The following PKHD1L1 variants were observed in gnomAD, a reference collection of about 807,000 sequenced individuals.
PKHD1L1 encodes the protein fibrocystin-L.
A neutral mutation model predicts 462.9 loss-of-function variants in PKHD1L1; 434 were observed. The ratio of observed to expected loss-of-function variants is 0.94; its 90% confidence interval spans 0.87 to 1.02. The LOEUF is 1.02. Ranked by LOEUF, PKHD1L1 falls within the 50% of genes least tolerant of loss-of-function variation. PKHD1L1 has a pLI of 0.00. For synonymous variants in PKHD1L1, 1,781 were observed against 1,750.0 expected (o/e 1.02, Z -0.44); for missense variants, 5,202 against 5,096.1 (o/e 1.02, Z -0.63).
rs1435051423 is a variant in PKHD1L1 at position 109,420,617 on chromosome 8, A to G, written c.2624A>G (p.Asn875Ser). 6.2e-7 allele frequency: 1 copy of G among 1,610,020 alleles called. No individual in the cohort carries two copies. The highest frequency in any genetic ancestry group is 1.3e-5 in the African/African-American group (1 of 74,738). Residue 875 changes from asparagine (N) to serine (S), a missense_variant, in exon 23 of 78, where the codon AAC (asparagine) becomes AGC (serine). This residue lies in a region of PKHD1L1 where 4,497 missense variants were observed against 4,336.8 expected (regional missense o/e 1.04). Transcript: ENST00000378402. ...AAAACAAATGGGCCAACTATGACAA[A>G]CCAATATTCTGTTACCATGACTTCA... ...QTKTNGPTMT[N>S]QYSVTMTSYN...
Position 109,461,775 on chromosome 8 carries a change from A to T in PKHD1L1, c.7250A>T (p.Glu2417Val). ...TGCTTTAAAAACTGTTTTGAAGGAG[A>T]ATTTGCTACACAGACCTGTCTCCAA... ...PACPDGFDTG[E>V]FATQTCLQGK... The change falls in exon 48 of 78, where the codon GAA (glutamate) becomes GTA (valine). Residue 2417 changes from glutamate (E) to valine (V), a missense_variant. Glu to Val is a moderately radical substitution (Grantham distance 121). Transcript: ENST00000378402. 6.2e-7 allele frequency: 1 copy of T among 1,604,982 alleles called. No individual in the cohort carries two copies. Among genetic ancestry groups the T allele is most frequent in the Non-Finnish European group, 8.5e-7 (1 of 1,176,322 alleles).
chr8:109,476,869 G>A (rs1169555430), intron 52 of PKHD1L1, among the ~76,000 whole-genome samples: 11 of 152,164 alleles, frequency 7.2e-5, no homozygotes, highest in Admixed American at 7.2e-4. Context: ...TATGTTGAAG[G>A]TGACACCAGC....
chr8:109,486,617 T>G (rs1818540274), intron 58 of PKHD1L1, 31 bp from the exon 59 acceptor site: 2 of 1,595,800 alleles, frequency 1.3e-6, no homozygotes, highest in Non-Finnish European at 8.5e-7. Flanking sequence ...TTCTCAGCAT[T>G]GGCAATAATC....
At chr8:109,379,216 A>G (rs1021431996) in intron 2 of PKHD1L1, among the ~76,000 whole-genome samples, 1 of 152,168 alleles carries the variant, frequency 6.6e-6, no homozygotes, top group African/African-American at 2.4e-5. Context: ...TGATTACAGC[A>G]CTTTCCTTCT....
At chr8:109,398,911 TA>T (rs1228028185) in intron 12 of PKHD1L1, among the ~76,000 whole-genome samples, 1 of 152,030 alleles carries the variant, frequency 6.6e-6, no homozygotes, top group Non-Finnish European at 1.5e-5. Flanking sequence ...AAAAGATAAA[TA>T]GGGGAAGTTA....
intron 9 of PKHD1L1, among the ~76,000 whole-genome samples, chr8:109,392,981 T>C (rs1040511665): frequency 6.6e-6 from 1 of 152,274 alleles, no homozygotes; most frequent in Non-Finnish European, 1.5e-5. Flanking sequence ...ATAACCTCAG[T>C]GTCATCCAAA....
chr8:109,434,247 A>G (rs1224090690), intron 28 of PKHD1L1, among the ~76,000 whole-genome samples: 1 of 152,036 alleles, frequency 6.6e-6, no homozygotes, highest in Non-Finnish European at 1.5e-5. Context: ...TTAAAGTATA[A>G]TTTTAAAAAA....
In PKHD1L1 at chr8:109,439,034, T is replaced by G. The variant is rs772671177; in HGVS notation, c.3898T>G (p.Ser1300Ala). ...TATTAGATGCCTTTTGCCCAAGTTG[T>G]CTCCTGGAAAACATGATATCTATGT... Reference protein sequence around the residue: ...TDIRCLLPKLSPGKHDIYVEV... With the variant: ...TDIRCLLPKLAPGKHDIYVEV... Residue 1300 changes from serine to alanine, a missense_variant, in exon 32 of 78, where the codon TCT (serine) becomes GCT (alanine). Physicochemically the swap from Ser to Ala is moderately conservative, Grantham distance 99. Coordinates refer to ENST00000378402, the MANE Select transcript of PKHD1L1 (RefSeq NM_177531.6). The G allele has an allele frequency of 2.4e-5, 38 of 1,613,520 alleles. No homozygotes were observed. Among genetic ancestry groups the G allele is most frequent in the Non-Finnish European group, 2.9e-5 (34 of 1,179,678 alleles).
At chr8:109,513,169 G>C (rs994129099) in intron 71 of PKHD1L1, among the ~76,000 whole-genome samples, 29 of 151,140 alleles carry the variant, frequency 1.9e-4, no homozygotes, top group Admixed American at 9.9e-4. Flanking sequence ...TCCTCTTTTC[G>C]TAATTGAATA....
Position 109,401,567 on chromosome 8 carries a change from T to C in PKHD1L1, c.1352T>C (p.Ile451Thr), listed in dbSNP as rs752555903. Residue 451 changes from isoleucine to threonine, a missense_variant, in exon 14 of 78, where the codon ATT (isoleucine) becomes ACT (threonine). By Grantham distance (89) the Ile-to-Thr change is moderately conservative. Around this residue, in one of 3 missense-constraint regions of PKHD1L1, gnomAD observed 4,497 missense variants for 4,336.8 expected, o/e 1.04. Transcript: ENST00000378402. The stretch of plus-strand genomic sequence containing the variant: ...AGTCCAACACAAAGATCAGATGATA[T>C]TCATCTGCAGAAAGGAAAAGAGTAA... Reference protein sequence around the residue: ...FSSPTQRSDDIHLQKGKEYYI... With the variant: ...FSSPTQRSDDTHLQKGKEYYI... 5 of 1,580,394 alleles carry C rather than the reference T, an allele frequency of 3.2e-6. No homozygotes were observed. Among genetic ancestry groups the C allele is most frequent in the Non-Finnish European group, 4.3e-6 (5 of 1,151,856 alleles).
intron 2 of PKHD1L1, among the ~76,000 whole-genome samples, chr8:109,365,959 C>T (rs927692934): frequency 1.6e-4 from 24 of 152,022 alleles, no homozygotes; most frequent in Non-Finnish European, 2.6e-4. Context: ...GGCGACAGAG[C>T]GAGTCTCCAT....
chr8:109,523,899 A>T (rs1820688017), intron 76 of PKHD1L1, among the ~76,000 whole-genome samples: 1 of 152,244 alleles, frequency 6.6e-6, no homozygotes, highest in Non-Finnish European at 1.5e-5. Context: ...TGAGAACAGA[A>T]CAAATGTCTC....
At chr8:109,436,568 A>G in intron 30 of PKHD1L1, 109 bp downstream of exon 30, 1 of 1,492,760 alleles carries the variant, frequency 6.7e-7, no homozygotes, top group Admixed American at 2.6e-5. Flanking sequence ...TTACTTAGGA[A>G]CTGCAGGGTT....
intron 33 of PKHD1L1, 81 bp downstream of exon 33, chr8:109,440,933 A>T: frequency 6.9e-7 from 1 of 1,446,112 alleles, no homozygotes; most frequent in Non-Finnish European, 9.3e-7. Context: ...TTATTATATG[A>T]ATATTCTAAA....
At chr8:109,402,402 TC>T (rs1484171459) in intron 14 of PKHD1L1, among the ~76,000 whole-genome samples, 1 of 152,172 alleles carries the variant, frequency 6.6e-6, no homozygotes, top group Non-Finnish European at 1.5e-5. Flanking sequence ...AATGCCTCAC[TC>T]CATGTCTAGA....
rs1488287534 is a variant in PKHD1L1, at chr8:109,498,724, C to T, written c.10781C>T (p.Ala3594Val). The T allele has an allele frequency of 6.2e-7, 1 of 1,613,956 alleles. No homozygotes were observed. The highest frequency in any genetic ancestry group is 8.5e-7 in the Non-Finnish European group (1 of 1,179,860). ...AHNMAPRKPH[A>V]GIMSYNAISG... ...AACATGGCACCCCGAAAGCCCCATG[C>T]AGGAATCATGAGTTACAATGCCATC... The change falls in exon 67 of 78, where the codon GCA becomes GTA. Residue 3594 changes from alanine (A) to valine (V), a missense_variant. By Grantham distance (64) the Ala-to-Val change is moderately conservative. Around this residue, in one of 3 missense-constraint regions of PKHD1L1, gnomAD observed 4,497 missense variants for 4,336.8 expected, o/e 1.04. Coordinates refer to ENST00000378402, the MANE Select transcript of PKHD1L1 (RefSeq NM_177531.6).
intron 2 of PKHD1L1, among the ~76,000 whole-genome samples, chr8:109,378,527 C>T (rs1264912600): frequency 6.6e-6 from 1 of 152,192 alleles, no homozygotes; most frequent in African/African-American, 2.4e-5. Flanking sequence ...CATAGATATC[C>T]TCATGGCTTG....
Position 109,435,358 on chromosome 8 carries a change from A to G in PKHD1L1, c.3505+4A>G, listed in dbSNP as rs1368040310. The G allele has an allele frequency of 5.0e-6, 8 of 1,611,094 alleles. No homozygotes were observed. Among genetic ancestry groups the G allele is most frequent in the African/African-American group, 1.3e-5 (1 of 74,816 alleles). ...CCTGATTCTGGAAGCATAGCAGGTA[A>G]TGGTTAATAGTTTAAACAGAGAGAA... On this transcript the variant is annotated splice_donor_region_variant and intron_variant, in intron 29 of 77. Coordinates refer to ENST00000378402, the MANE Select transcript of PKHD1L1 (RefSeq NM_177531.6).
chr8:109,455,671 A>AGT (rs148153567), intron 45 of PKHD1L1, among the ~76,000 whole-genome samples: 2,015 of 152,310 alleles, frequency 0.013, 45 homozygotes, highest in African/African-American at 0.046. Flanking sequence ...CTTGTCAGCA[A>AGT]GTAAAAATGA....
Sources: allele counts gnomAD v4.1 joint callset (sites outside exome capture counted in the v4.1 genomes callset), GRCh38; gene constraint gnomAD v4.1.1; regional missense constraint gnomAD v4.1.1; transcripts MANE v1.5; gene names NCBI Gene and HGNC (gene_info 2026-07-23, HGNC 2026-07-21).